RASEF: variants seen among roughly 807,000 people sequenced by gnomAD.
The protein encoded by RASEF is RAS and EF-hand domain containing.
Under a neutral mutation model 90.1 loss-of-function variants are expected in RASEF, and 68 were observed. The observed-to-expected ratio is 0.75, with a 90% CI of 0.62 to 0.92. RASEF has a LOEUF of 0.92. Among genes scored for constraint, RASEF ranks in the 40% least tolerant of loss-of-function variants. The probability of loss-of-function intolerance (pLI) is 0.00; values close to 1 mark genes in which losing one functional copy is unlikely to be tolerated. For missense variants in RASEF, 949 were observed against 937.2 expected (o/e 1.01, Z -0.16); for synonymous variants, 331 against 345.2 (o/e 0.96, Z 0.46).
chr9:83,217,763 C>T, the RASEF span, among the ~76,000 whole-genome samples: 4 of 152,140 alleles, frequency 2.6e-5, no homozygotes, highest in East Asian at 5.8e-4. Context: ...CAGACTAATA[C>T]ATTCGGTTTC....
chr9:83,158,592 A>G, the RASEF span, among the ~76,000 whole-genome samples: 1 of 147,870 alleles, frequency 6.8e-6, no homozygotes, highest in East Asian at 2.0e-4. Flanking sequence ...ATATGTATAT[A>G]TGTCCAAATA....
At chr9:83,199,428 A>G in the RASEF span, among the ~76,000 whole-genome samples, 1 of 152,122 alleles carries the variant, frequency 6.6e-6, no homozygotes, top group Non-Finnish European at 1.5e-5. Context: ...GCCAGCCTGC[A>G]TGTTGAGACA....
chr9:83,134,190 C>T, the RASEF span, among the ~76,000 whole-genome samples: 1 of 152,126 alleles, frequency 6.6e-6, no homozygotes, highest in African/African-American at 2.4e-5. Flanking sequence ...CTCTCCCTCC[C>T]TACTCTCAGC....
chr9:83,110,085 A>G, the RASEF span, among the ~76,000 whole-genome samples: 1 of 152,080 alleles, frequency 6.6e-6, no homozygotes, highest in African/African-American at 2.4e-5. Flanking sequence ...AATGACCAAA[A>G]CTCCTGTTGT....
the RASEF span, among the ~76,000 whole-genome samples, chr9:83,193,909 T>C: frequency 1.5e-4 from 23 of 152,324 alleles, no homozygotes; most frequent in African/African-American, 5.1e-4. Flanking sequence ...AGTCAGCCTA[T>C]GAAGTTCGAG....
At chr9:83,088,072 T>C in the RASEF span, among the ~76,000 whole-genome samples, 1 of 152,140 alleles carries the variant, frequency 6.6e-6, no homozygotes, top group African/African-American at 2.4e-5. Context: ...TAGTTTCTAA[T>C]TTCAACCCAT....
At chr9:83,128,025 C>CTTTTTTTTTTTTTTTTTTTTTTT in the RASEF span, among the ~76,000 whole-genome samples, 1 of 134,724 alleles carries the variant, frequency 7.4e-6, no homozygotes, top group Non-Finnish European at 1.6e-5. Flanking sequence ...TTTTTCTTTT[C>CTTTTTTTTTTTTTTTTTTTTTTT]TTTTTTTTTT....
chr9:83,122,631 C>G, the RASEF span, among the ~76,000 whole-genome samples: 1 of 151,662 alleles, frequency 6.6e-6, no homozygotes, highest in Non-Finnish European at 1.5e-5. Flanking sequence ...CATTATGTAG[C>G]CATTAAAAAT....
the RASEF span, among the ~76,000 whole-genome samples, chr9:83,107,536 A>G: frequency 6.6e-6 from 1 of 152,088 alleles, no homozygotes; most frequent in Admixed American, 6.6e-5. Context: ...ATTTTCATCA[A>G]TTCATGCCAA....
the RASEF span, among the ~76,000 whole-genome samples, chr9:83,163,606 T>C: frequency 6.6e-6 from 1 of 152,122 alleles, no homozygotes; most frequent in Non-Finnish European, 1.5e-5. Context: ...TGGGTATGAA[T>C]AGACTGGAAA....
the RASEF span, among the ~76,000 whole-genome samples, chr9:83,180,022 C>T: frequency 6.8e-6 from 1 of 146,132 alleles, no homozygotes; most frequent in Non-Finnish European, 1.5e-5. Flanking sequence ...CAGAACTGCA[C>T]ATACACCCTT....
chr9:83,082,925 T>G, the RASEF span, among the ~76,000 whole-genome samples: 1 of 152,164 alleles, frequency 6.6e-6, no homozygotes, highest in Non-Finnish European at 1.5e-5. Context: ...ATAAATCTAA[T>G]ATAAGATCAT....
At chr9:83,040,218 G>A (rs1286686058) in intron 1 of RASEF, among the ~76,000 whole-genome samples, 1 of 152,088 alleles carries the variant, frequency 6.6e-6, no homozygotes, top group African/African-American at 2.4e-5. Flanking sequence ...AAAAATGGAT[G>A]AATACACTCC....
the RASEF span, among the ~76,000 whole-genome samples, chr9:83,133,405 G>C: frequency 6.6e-6 from 1 of 152,132 alleles, no homozygotes; most frequent in East Asian, 1.9e-4. Context: ...TTAAGCTAAA[G>C]GAGTCAAACC....
the RASEF span, among the ~76,000 whole-genome samples, chr9:83,079,567 C>T: frequency 7.2e-5 from 11 of 152,282 alleles, no homozygotes; most frequent in East Asian, 5.8e-4. Context: ...ATGACCCAAA[C>T]GCCTCCCACC....
At chr9:83,123,009 G>T in the RASEF span, among the ~76,000 whole-genome samples, 1 of 150,604 alleles carries the variant, frequency 6.6e-6, no homozygotes. Context: ...GCAGGCCGAG[G>T]CAGGTGAATC....
chr9:82,990,059 A>G (rs1213467625), intron 16 of RASEF, among the ~76,000 whole-genome samples: 1 of 152,200 alleles, frequency 6.6e-6, no homozygotes, highest in Non-Finnish European at 1.5e-5. Flanking sequence ...AAATATCATA[A>G]TAGACAGTTG....
chr9:83,175,130 T>A, the RASEF span, among the ~76,000 whole-genome samples: 1 of 152,174 alleles, frequency 6.6e-6, no homozygotes, highest in Non-Finnish European at 1.5e-5. Context: ...CTTTCTGTCC[T>A]AATTGTTCTA....
At chr9:83,076,431 GAA>G in the RASEF span, among the ~76,000 whole-genome samples, 6 of 32,232 alleles carry the variant, frequency 1.9e-4, no homozygotes, top group South Asian at 1.5e-3. Context: ...GTCTAGTTAA[GAA>G]AAAAAAAAAG....
Sources: gnomAD v4.1 joint callset for allele counts (sites outside exome capture counted in the v4.1 genomes callset) on GRCh38, gnomAD v4.1.1 for gene constraint, MANE v1.5 for transcripts, NCBI Gene and HGNC (gene_info 2026-07-23, HGNC 2026-07-21) for gene names.